Variants in AP1S3 observed in about 807,000 individuals in gnomAD.
AP1S3 encodes AP-1 complex subunit sigma-3.
In AP1S3, 10 loss-of-function variants were observed where a neutral mutation model predicts 20.9. The ratio of observed to expected loss-of-function variants is 0.48; its 90% confidence interval spans 0.29 to 0.81. The LOEUF is 0.81. Ranked by LOEUF, AP1S3 falls within the 30% of genes least tolerant of loss-of-function variation. The pLI is 0.08. For synonymous variants in AP1S3, 41 were observed against 61.5 expected, an observed-to-expected ratio of 0.67 and a Z score of 1.56; for missense variants, 154 against 183.8, an observed-to-expected ratio of 0.84 and a Z score of 0.94.
chr2:223,832,114 A>G (rs1574736000), intron 1 of AP1S3, among the ~76,000 whole-genome samples: 2 of 142,304 alleles, frequency 1.4e-5, no homozygotes, highest in African/African-American at 5.3e-5. Flanking sequence ...TATTCTGGGG[A>G]TTATTAAAGG....
chr2:223,755,995 A>G lies in AP1S3; in HGVS notation c.*2720T>C. 9 of 985,464 alleles carry G rather than the reference A, an allele frequency of 9.1e-6. No individual in the cohort carries two copies. The highest frequency in any genetic ancestry group is 1.1e-5 in the Non-Finnish European group (9 of 829,936). The allele number at this position is 985,464 out of a possible 1,614,324, so 61.0% of individuals were successfully genotyped here. A position where few individuals can be genotyped will look rare whatever the true frequency, so the allele number is the denominator to read the frequency against. ...GTGACAAATTTCAAAAGAACCGGAA[A>G]AACTATGATGGATTTACATGAGGTC... On this transcript the variant is annotated 3_prime_UTR_variant, in exon 5 of 5. Transcript: ENST00000396654.
intron 1 of AP1S3, among the ~76,000 whole-genome samples, chr2:223,828,058 T>TAAAAAAAAAAAAAAAAAAAAA (rs527671959): frequency 7.4e-5 from 7 of 94,660 alleles, no homozygotes; most frequent in East Asian, 3.5e-4. Context: ...AGACTTCATC[T>TAAAAAAAAAAAAAAAAAAAAA]AAAAAAAAAA....
In AP1S3 at chr2:223,777,812, T is replaced by C. The variant is rs907665746; in HGVS notation, c.61A>G (p.Ile21Val). The C allele has an allele frequency of 1.2e-6, 2 of 1,614,124 alleles. No homozygotes were observed. The highest frequency in any genetic ancestry group is 1.7e-6 in the Non-Finnish European group (2 of 1,180,006). ...TTCCTCTCTTTATCAGGGAGAGTGA[T>C]GTACCATTTCTGTAGCCGTAATTTC... is the stretch of plus-strand genomic sequence containing the variant. ...QGKLRLQKWY[I>V]TLPDKERKKI... is the part of the protein sequence containing the mutation. Residue 21 changes from isoleucine (I) to valine (V), a missense_variant, in exon 2 of 5, where the codon ATC (isoleucine) becomes GTC (valine). Ile to Val is a conservative substitution (Grantham distance 29). Transcript: ENST00000396654.
intron 1 of AP1S3, among the ~76,000 whole-genome samples, chr2:223,820,174 T>C (rs1691953054): frequency 6.6e-6 from 1 of 152,210 alleles, no homozygotes; most frequent in South Asian, 2.1e-4. Flanking sequence ...AAAGGTTTTT[T>C]TTCTCAGACT....
intron 1 of AP1S3, among the ~76,000 whole-genome samples, chr2:223,822,075 G>A (rs1373346327): frequency 6.6e-6 from 1 of 152,100 alleles, no homozygotes; most frequent in East Asian, 1.9e-4. Context: ...TTCTAATGGT[G>A]ATTGTCTCAA....
intron 1 of AP1S3, among the ~76,000 whole-genome samples, chr2:223,815,095 T>A (rs1427600809): frequency 1.3e-5 from 2 of 152,332 alleles, no homozygotes; most frequent in Non-Finnish European, 2.9e-5. Flanking sequence ...TTTAAATAAA[T>A]GTGATTTAGT....
At chr2:223,801,791 C>T (rs1029353971) in intron 1 of AP1S3, among the ~76,000 whole-genome samples, 13 of 152,166 alleles carry the variant, frequency 8.5e-5, no homozygotes, top group Middle Eastern at 6.8e-3. Context: ...CTAATACTAA[C>T]GGTTTCTGTG....
chr2:223,793,888 C>T (rs1691274364), intron 1 of AP1S3, among the ~76,000 whole-genome samples: 1 of 152,044 alleles, frequency 6.6e-6, no homozygotes, highest in Non-Finnish European at 1.5e-5. Context: ...AGGTGATCCT[C>T]CTGCCTTGGC....
intron 3 of AP1S3, among the ~76,000 whole-genome samples, chr2:223,766,594 T>C (rs1690488462): frequency 3.3e-5 from 5 of 152,246 alleles, no homozygotes; most frequent in Admixed American, 3.3e-4. Context: ...GGAATGCTTT[T>C]ACACTGTTGG....
intron 1 of AP1S3, among the ~76,000 whole-genome samples, chr2:223,830,817 TAA>T (rs1165248626): frequency 6.6e-6 from 1 of 152,184 alleles, no homozygotes; most frequent in Non-Finnish European, 1.5e-5. Context: ...ACTGAAAGAC[TAA>T]AGTTTCAGAA....
intron 1 of AP1S3, among the ~76,000 whole-genome samples, chr2:223,789,674 CAAA>C (rs536845135): frequency 1.0e-4 from 9 of 89,134 alleles, no homozygotes; most frequent in African/African-American, 8.4e-5. Context: ...AACCCTGTCT[CAAA>C]AAAAAAAAAA....
chr2:223,832,011 C>G (rs1191183361), intron 1 of AP1S3, among the ~76,000 whole-genome samples: 1 of 151,156 alleles, frequency 6.6e-6, no homozygotes, highest in Admixed American at 6.6e-5. Context: ...CGGGAGGCAG[C>G]GCTTGCAGTG....
chr2:223,807,718 T>C (rs74493371), intron 1 of AP1S3, among the ~76,000 whole-genome samples: 1,639 of 152,110 alleles, frequency 0.011, 70 homozygotes, highest in East Asian at 0.093. Context: ...CCACATAAGA[T>C]GTCTGGCTCT....
At chr2:223,761,508 T>C (rs561270212) in intron 4 of AP1S3, among the ~76,000 whole-genome samples, 1 of 152,310 alleles carries the variant, frequency 6.6e-6, no homozygotes, top group East Asian at 1.9e-4. Flanking sequence ...CACTGCAGCC[T>C]TGACCTCTCG....
chr2:223,758,802 C>A (rs769818919), intron 4 of AP1S3, 52 bp from the exon 5 acceptor site: 12 of 1,475,990 alleles, frequency 8.1e-6, no homozygotes, highest in Middle Eastern at 3.7e-4. Flanking sequence ...CACAGCCTTC[C>A]GCAGACTGTG....
intron 1 of AP1S3, among the ~76,000 whole-genome samples, chr2:223,831,036 T>A (rs997118667): frequency 6.6e-6 from 1 of 152,226 alleles, no homozygotes; most frequent in African/African-American, 2.4e-5. Flanking sequence ...TTTTTTTCTT[T>A]TTAATAGAGA....
Position 223,758,255 on chromosome 2 carries a change from C to T in AP1S3, c.*460G>A. ...TCTAGCATTACATATAAACTCTGCACTATTAACATAATTTTGAATTATTAT... is the reference window on the plus strand; with the variant it reads ...TCTAGCATTACATATAAACTCTGCATTATTAACATAATTTTGAATTATTAT... On this transcript the variant is annotated 3_prime_UTR_variant, in exon 5 of 5. Coordinates refer to ENST00000396654, the MANE Select transcript of AP1S3 (RefSeq NM_001039569.2). 1 of 976,984 alleles carries T rather than the reference C, an allele frequency of 1.0e-6. No individual in the cohort carries two copies. The highest frequency in any genetic ancestry group is 1.2e-6 in the Non-Finnish European group (1 of 821,878). The allele number at this position is 976,984 out of a possible 1,614,324, so 60.5% of individuals were successfully genotyped here.
At chr2:223,829,742 C>A (rs1024492413) in intron 1 of AP1S3, among the ~76,000 whole-genome samples, 1 of 151,724 alleles carries the variant, frequency 6.6e-6, no homozygotes, top group Non-Finnish European at 1.5e-5. Flanking sequence ...GAGACTGAGG[C>A]AGGAGTATCA....
chr2:223,774,233 C>T (rs932586020), intron 3 of AP1S3, among the ~76,000 whole-genome samples: 1 of 151,970 alleles, frequency 6.6e-6, no homozygotes, highest in Admixed American at 6.6e-5. Context: ...GGCATGGTGG[C>T]GGGGGCCCGT....
Sources: allele counts gnomAD v4.1 joint callset (sites outside exome capture counted in the v4.1 genomes callset), GRCh38; gene constraint gnomAD v4.1.1; transcripts MANE v1.5; gene names NCBI Gene and HGNC (gene_info 2026-07-23, HGNC 2026-07-21).